The following LSAMP variants were observed in gnomAD, a reference collection of about 807,000 sequenced individuals.
LSAMP encodes limbic system-associated membrane protein.
Under a neutral mutation model 38.6 loss-of-function variants are expected in LSAMP, and 7 were observed. The observed-to-expected ratio is 0.18, with a 90% confidence interval of 0.10 to 0.34. LSAMP has a LOEUF of 0.34. Ranked by LOEUF, LSAMP falls within the 10% of genes least tolerant of loss-of-function variation. The pLI, the probability that LSAMP is intolerant of heterozygous loss-of-function variation, is 1.00. For missense variants in LSAMP, 313 were observed against 420.0 expected, an observed-to-expected ratio of 0.75 and a Z score of 2.23; for synonymous variants, 154 against 166.8, an observed-to-expected ratio of 0.92 and a Z score of 0.59.
chr3:115,811,466 A>G (rs1232686197), intron 6 of LSAMP, among the ~76,000 whole-genome samples: 1 of 152,220 alleles, frequency 6.6e-6, no homozygotes, highest in Non-Finnish European at 1.5e-5. Flanking sequence ...TTAAGACTAC[A>G]TACTTAAACA....
chr3:115,935,624 ATTTC>A (rs1384852606), intron 3 of LSAMP, among the ~76,000 whole-genome samples: 1 of 152,130 alleles, frequency 6.6e-6, no homozygotes, highest in African/African-American at 2.4e-5. Flanking sequence ...CCACTGCCTT[ATTTC>A]TTTCTGGGTT....
intron 3 of LSAMP, among the ~76,000 whole-genome samples, chr3:115,973,915 G>T (rs1194700964): frequency 3.3e-5 from 5 of 152,128 alleles, no homozygotes; most frequent in Non-Finnish European, 7.3e-5. Context: ...TTGAAAATTT[G>T]AATTTTGAAT....
intron 1 of LSAMP, among the ~76,000 whole-genome samples, chr3:116,157,726 A>C (rs1709787600): frequency 6.6e-6 from 1 of 152,104 alleles, no homozygotes; most frequent in South Asian, 2.1e-4. Flanking sequence ...CCTACCAACC[A>C]GAAAAAGCCT....
chr3:116,343,250 G>A (rs561492632), intron 1 of LSAMP, among the ~76,000 whole-genome samples: 1 of 152,222 alleles, frequency 6.6e-6, no homozygotes, highest in East Asian at 1.9e-4. Flanking sequence ...GACATCTGCT[G>A]TAGAGCAAAC....
chr3:116,351,557 A>T (rs528599445), intron 1 of LSAMP, among the ~76,000 whole-genome samples: 171 of 135,566 alleles, frequency 1.3e-3, no homozygotes, highest in African/African-American at 5.5e-3. Flanking sequence ...TTCCTTGTCA[A>T]CTCAATACAG....
At chr3:116,293,599 G>C (rs1203031917) in intron 1 of LSAMP, among the ~76,000 whole-genome samples, 1 of 152,090 alleles carries the variant, frequency 6.6e-6, no homozygotes, top group East Asian at 1.9e-4. Context: ...ATCATATTGA[G>C]TTAGGAAAAT....
chr3:115,924,179 C>G (rs1399583174), intron 3 of LSAMP, among the ~76,000 whole-genome samples: 1 of 152,074 alleles, frequency 6.6e-6, no homozygotes, highest in Non-Finnish European at 1.5e-5. Flanking sequence ...TTGACTTTAA[C>G]TAAAATTTTT....
At chr3:115,895,723 A>G (rs1399699070) in intron 3 of LSAMP, among the ~76,000 whole-genome samples, 2 of 152,078 alleles carry the variant, frequency 1.3e-5, no homozygotes, top group African/African-American at 4.8e-5. Context: ...GGCAGAATAC[A>G]AAGTGTATCT....
intron 1 of LSAMP, among the ~76,000 whole-genome samples, chr3:116,203,107 T>C (rs1357324396): frequency 6.6e-6 from 1 of 152,242 alleles, no homozygotes; most frequent in Non-Finnish European, 1.5e-5. Flanking sequence ...TTTCCAATCT[T>C]CATGTCTTTT....
At chr3:116,399,843 C>T (rs900108951) in intron 1 of LSAMP, among the ~76,000 whole-genome samples, 21 of 152,190 alleles carry the variant, frequency 1.4e-4, no homozygotes, top group Admixed American at 8.5e-4. Context: ...TATCCGAATT[C>T]TGTCTTCAGC....
At chr3:116,258,987 C>T (rs2046791363) in intron 1 of LSAMP, among the ~76,000 whole-genome samples, 1 of 152,180 alleles carries the variant, frequency 6.6e-6, no homozygotes, top group Admixed American at 6.5e-5. Flanking sequence ...ACATTCTGTC[C>T]TTGTTTCGCC....
At chr3:115,918,088 A>G (rs1324109750) in intron 3 of LSAMP, among the ~76,000 whole-genome samples, 1 of 151,756 alleles carries the variant, frequency 6.6e-6, no homozygotes, top group Non-Finnish European at 1.5e-5. Context: ...TTATCTACTG[A>G]CCTCTCTGGC....
intron 1 of LSAMP, among the ~76,000 whole-genome samples, chr3:116,318,380 G>A (rs184367045): frequency 3.1e-4 from 47 of 152,276 alleles, no homozygotes; most frequent in African/African-American, 1.1e-3. Context: ...ACCAGGAGGA[G>A]AAAAGGGTTG....
At chr3:115,843,401 T>C (rs905185725) in intron 4 of LSAMP, among the ~76,000 whole-genome samples, 5 of 152,154 alleles carry the variant, frequency 3.3e-5, no homozygotes, top group Non-Finnish European at 7.4e-5. Context: ...AGTGTTTGCA[T>C]GTCCACTTGA....
intron 2 of LSAMP, among the ~76,000 whole-genome samples, chr3:116,044,302 A>G (rs1055289994): frequency 6.6e-6 from 1 of 152,222 alleles, no homozygotes; most frequent in Non-Finnish European, 1.5e-5. Flanking sequence ...ACCTCGCCTT[A>G]TTAACTATTC....
chr3:115,957,740 A>T (rs1938496466), intron 3 of LSAMP, among the ~76,000 whole-genome samples: 2 of 152,194 alleles, frequency 1.3e-5, no homozygotes, highest in Non-Finnish European at 2.9e-5. Flanking sequence ...TTTAGTGTAT[A>T]CAGCAAGACC....
intron 1 of LSAMP, among the ~76,000 whole-genome samples, chr3:116,147,196 C>T (rs1205207255): frequency 1.3e-5 from 2 of 151,864 alleles, no homozygotes; most frequent in Non-Finnish European, 2.9e-5. Flanking sequence ...ATTCTAAATT[C>T]CTGAAAACTT....
chr3:116,439,720 T>TTTTA lies in LSAMP; in HGVS notation c.155+5153_155+5156dup, dbSNP rs1216227519. ...TAACTAAAATAGATAGTTTCAGCAT[T>TTTTA]TTTATTTATTTATTTATTTTTGAGA... On this transcript the variant is annotated intron_variant, in intron 1 of 6. Transcript: ENST00000490035. Among the ~76,000 whole-genome samples, 6 of 152,256 alleles carry TTTTA rather than the reference T, an allele frequency of 3.9e-5. No individual in the cohort carries two copies. The South Asian group carries it at 8.3e-4, about 21-fold the overall frequency.
At chr3:116,161,389 TATAGTC>T (rs1428927603) in intron 1 of LSAMP, among the ~76,000 whole-genome samples, 2 of 152,202 alleles carry the variant, frequency 1.3e-5, no homozygotes, top group East Asian at 3.8e-4. Context: ...CGAGTAATAT[TATAGTC>T]ATAGTGTGAA....
Sources: gnomAD v4.1 joint callset for allele counts (sites outside exome capture counted in the v4.1 genomes callset) on GRCh38, gnomAD v4.1.1 for gene constraint, MANE v1.5 for transcripts, NCBI Gene and HGNC (gene_info 2026-07-23, HGNC 2026-07-21) for gene names.